Variants in ALX4 observed in about 807,000 individuals in gnomAD.
ALX4 encodes the protein homeobox protein aristaless-like 4.
ALX4 carries 22 observed loss-of-function variants against 40.6 expected under a neutral mutation model. The ratio of observed to expected loss-of-function variants is 0.54; its 90% CI spans 0.39 to 0.77. ALX4 has a LOEUF of 0.77. Ranked by LOEUF, ALX4 falls within the 30% of genes least tolerant of loss-of-function variation. ALX4 has a pLI of 0.00. For synonymous variants in ALX4, 266 were observed against 240.5 expected, an observed-to-expected ratio of 1.11 and a Z score of -0.98; for missense variants, 556 against 564.8, an observed-to-expected ratio of 0.98 and a Z score of 0.16.
chr11:44,267,837 C>T (rs1428636170), intron 2 of ALX4, among the ~76,000 whole-genome samples: 1 of 152,226 alleles, frequency 6.6e-6, no homozygotes, highest in Non-Finnish European at 1.5e-5. Flanking sequence ...CTTACCCCCA[C>T]TAGCCATGGG....
intron 1 of ALX4, among the ~76,000 whole-genome samples, chr11:44,306,179 G>A (rs1956466787): frequency 6.6e-6 from 1 of 152,184 alleles, no homozygotes; most frequent in Admixed American, 6.5e-5. Flanking sequence ...GGGCTCTTTC[G>A]TAAAAACGCG....
chr11:44,300,169 G>C (rs1236408244), intron 1 of ALX4, among the ~76,000 whole-genome samples: 1 of 152,198 alleles, frequency 6.6e-6, no homozygotes, highest in Admixed American at 6.5e-5. Flanking sequence ...ATGGGGAAGA[G>C]TGTGGGGTCC....
chr11:44,270,402 T>C (rs1435445551), intron 2 of ALX4, among the ~76,000 whole-genome samples: 1 of 152,062 alleles, frequency 6.6e-6, no homozygotes, highest in African/African-American at 2.4e-5. Flanking sequence ...CTTCTTCTCC[T>C]GTTCCTTTGT....
At position 44,275,641 on chromosome 11, in the gene ALX4, C is replaced by T. The variant is rs1267183405; in HGVS notation, c.484G>A (p.Gly162Ser). ...GAGTCAGGGGGTAACTCTGGCTCAC[C>T]CAGGGAGCTCTCTTTAGCTGAGGGA... ...VPCYAKESSL[G>S]EPELPPDSDT... Residue 162 changes from glycine to serine, a missense_variant, in exon 2 of 4, where the codon GGT (glycine) becomes AGT (serine). By Grantham distance (56) the Gly-to-Ser change is moderately conservative. Coordinates refer to ENST00000652299, the MANE Select transcript of ALX4 (RefSeq NM_021926.4). 2 of 1,613,196 alleles carry T rather than the reference C, an allele frequency of 1.2e-6. No individual in the cohort carries two copies. Among genetic ancestry groups the T allele is most frequent in the African/African-American group, 1.3e-5 (1 of 74,988 alleles).
At chr11:44,280,426 T>C (rs1452660961) in intron 1 of ALX4, among the ~76,000 whole-genome samples, 1 of 152,184 alleles carries the variant, frequency 6.6e-6, no homozygotes, top group African/African-American at 2.4e-5. Flanking sequence ...TTGGGGCACC[T>C]CGTGCTGGCA....
intron 1 of ALX4, among the ~76,000 whole-genome samples, chr11:44,287,789 G>A (rs1956347640): frequency 6.6e-6 from 1 of 152,014 alleles, no homozygotes; most frequent in Non-Finnish European, 1.5e-5. Context: ...GCTCTCAGCT[G>A]CCTCAAGAGA....
chr11:44,275,922 C>T (rs1956275430), intron 1 of ALX4, among the ~76,000 whole-genome samples: 1 of 152,190 alleles, frequency 6.6e-6, no homozygotes, highest in South Asian at 2.1e-4. Flanking sequence ...GTTATGTGAA[C>T]CTAAGGCAGC....
chr11:44,271,755 G>A (rs1565000207), intron 2 of ALX4, among the ~76,000 whole-genome samples: 1 of 152,130 alleles, frequency 6.6e-6, no homozygotes, highest in Non-Finnish European at 1.5e-5. Context: ...TTAGTTGTAT[G>A]GTGGCAACTG....
At chr11:44,279,415 G>A (rs564617052) in intron 1 of ALX4, among the ~76,000 whole-genome samples, 1 of 152,314 alleles carries the variant, frequency 6.6e-6, no homozygotes, top group East Asian at 1.9e-4. Context: ...ATGAGGAGTG[G>A]GGCTGGGCCC....
At chr11:44,278,271 C>T (rs1302403185) in intron 1 of ALX4, among the ~76,000 whole-genome samples, 1 of 152,156 alleles carries the variant, frequency 6.6e-6, no homozygotes, top group African/African-American at 2.4e-5. Context: ...TGGGGGGAAA[C>T]TGAGGCCAGA....
At chr11:44,308,552 G>A (rs796577927) in intron 1 of ALX4, among the ~76,000 whole-genome samples, 3 of 152,262 alleles carry the variant, frequency 2.0e-5, no homozygotes, top group African/African-American at 7.2e-5. Flanking sequence ...CCGCTTTGGG[G>A]TTCAGGAACC....
chr11:44,269,611 C>T (rs1457249349), intron 2 of ALX4, among the ~76,000 whole-genome samples: 1 of 152,198 alleles, frequency 6.6e-6, no homozygotes, highest in African/African-American at 2.4e-5. Context: ...GAAACGGACC[C>T]TCTCCCCAGT....
intron 1 of ALX4, among the ~76,000 whole-genome samples, chr11:44,301,603 C>T (rs1261504402): frequency 6.6e-6 from 1 of 152,208 alleles, no homozygotes; most frequent in Non-Finnish European, 1.5e-5. Flanking sequence ...AGCATCTGCC[C>T]TATTTGATGC....
intron 1 of ALX4, among the ~76,000 whole-genome samples, chr11:44,283,614 G>A (rs1052813380): frequency 2.0e-5 from 3 of 152,172 alleles, no homozygotes; most frequent in African/African-American, 7.2e-5. Flanking sequence ...ACCCAGGCTG[G>A]AGTGCAGTGG....
At chr11:44,291,051 TTCCCGAGCGGCAGCTCCCAGAA>T (rs1363224599) in intron 1 of ALX4, among the ~76,000 whole-genome samples, 1 of 152,202 alleles carries the variant, frequency 6.6e-6, no homozygotes, top group Non-Finnish European at 1.5e-5. Flanking sequence ...CAGTTCAGGT[TTCCCGAGCGGCAGCTCCCAGAA>T]TGACATTTAT....
Position 44,309,944 on chromosome 11 carries a change from C to T in ALX4, c.119G>A (p.Gly40Asp), listed in dbSNP as rs763035360. ...GSSPFRAFPG[G>D]DKFGTTFLSA... is the part of the protein sequence containing the mutation. ...CAGGAAAGTTGTGCCGAACTTGTCG[C>T]CTCCGGGAAATGCCCTAAAAGGCGA... The change falls in exon 1 of 4, where the codon GGC (glycine) becomes GAC (aspartate). Residue 40 changes from glycine (G) to aspartate (D), a missense_variant. Gly to Asp is a moderately conservative substitution (Grantham distance 94). Coordinates refer to ENST00000652299, the MANE Select transcript of ALX4 (RefSeq NM_021926.4). The T allele has an allele frequency of 1.3e-6, 2 of 1,593,910 alleles. No homozygotes were observed. The highest frequency in any genetic ancestry group is 1.7e-6 in the Non-Finnish European group (2 of 1,169,860).
intron 1 of ALX4, among the ~76,000 whole-genome samples, chr11:44,281,771 G>A (rs747690394): frequency 7.2e-5 from 11 of 152,142 alleles, no homozygotes; most frequent in South Asian, 4.2e-4. Flanking sequence ...CAACTTGAAT[G>A]TCCCTAATTT....
chr11:44,270,986 G>A (rs1956243452), intron 2 of ALX4, among the ~76,000 whole-genome samples: 1 of 152,226 alleles, frequency 6.6e-6, no homozygotes, highest in Non-Finnish European at 1.5e-5. Context: ...GCCCCCTGGA[G>A]CAGGGCCAAA....
At chr11:44,285,342 T>C (rs569349456) in intron 1 of ALX4, among the ~76,000 whole-genome samples, 28 of 152,360 alleles carry the variant, frequency 1.8e-4, no homozygotes, top group Middle Eastern at 6.8e-3. Context: ...CACACCATCC[T>C]TAATGGTTAC....
Sources: allele counts gnomAD v4.1 joint callset (sites outside exome capture counted in the v4.1 genomes callset), GRCh38; gene constraint gnomAD v4.1.1; transcripts MANE v1.5; gene names NCBI Gene and HGNC (gene_info 2026-07-23, HGNC 2026-07-21).